Variants in ADAMTS3 observed in about 807,000 individuals in gnomAD.
ADAMTS3 encodes the protein A disintegrin and metalloproteinase with thrombospondin motifs 3.
In ADAMTS3, 73 loss-of-function variants were observed where a neutral mutation model predicts 129.0. The observed-to-expected ratio is 0.57, with a 90% CI of 0.47 to 0.69. ADAMTS3 has a LOEUF of 0.69. Among genes scored for constraint, ADAMTS3 ranks in the 30% least tolerant of loss-of-function variants. The pLI is 0.00. For missense variants in ADAMTS3, 1,457 were observed against 1,514.5 expected (o/e 0.96, Z 0.63); for synonymous variants, 477 against 510.8 (o/e 0.93, Z 0.89).
At chr4:72,473,884 G>C (rs1478925601) in intron 3 of ADAMTS3, among the ~76,000 whole-genome samples, 2 of 152,208 alleles carry the variant, frequency 1.3e-5, no homozygotes, top group African/African-American at 4.8e-5. Flanking sequence ...CTGGTAATAA[G>C]GTTATCTTTT....
At chr4:72,519,101 T>C (rs1168219509) in intron 3 of ADAMTS3, among the ~76,000 whole-genome samples, 1 of 151,572 alleles carries the variant, frequency 6.6e-6, no homozygotes, top group East Asian at 1.9e-4. Flanking sequence ...TTATGAAGCT[T>C]AGTTTGGCTG....
chr4:72,422,145 T>C (rs1461659438), intron 3 of ADAMTS3, among the ~76,000 whole-genome samples: 2 of 152,182 alleles, frequency 1.3e-5, no homozygotes, highest in Non-Finnish European at 2.9e-5. Context: ...ACTACTATTA[T>C]TTATAATGAC....
chr4:72,353,092 GT>G (rs11340889), intron 4 of ADAMTS3, among the ~76,000 whole-genome samples: 9,877 of 152,004 alleles, frequency 0.065, 1,080 homozygotes, highest in African/African-American at 0.23. Flanking sequence ...GGGCCTTTCA[GT>G]TCTCAAAATA....
chr4:72,434,205 T>C (rs556711900), intron 3 of ADAMTS3, among the ~76,000 whole-genome samples: 8 of 151,818 alleles, frequency 5.3e-5, no homozygotes, highest in Non-Finnish European at 1.2e-4. Context: ...CTAAGTTTTT[T>C]AGGTCCAAAT....
chr4:72,291,700 G>T lies in ADAMTS3; in HGVS notation c.2724-638C>A, dbSNP rs368809685. ...AGTCTTTGCTATTGTGAATAGTGCC[G>T]CAATAAACATACGTGTGCATGTGTC... is the stretch of plus-strand genomic sequence containing the variant. On this transcript the variant is annotated intron_variant, in intron 19 of 21. Coordinates refer to ENST00000286657, the MANE Select transcript of ADAMTS3 (RefSeq NM_014243.3). Among the ~76,000 whole-genome samples the T allele has an allele frequency of 3.3e-5, 5 of 151,472 alleles. No individual in the cohort carries two copies. In the South Asian group the frequency reaches 6.3e-4, roughly 19 times the overall value.
chr4:72,323,945 C>G (rs1254357702), intron 5 of ADAMTS3, among the ~76,000 whole-genome samples: 2 of 152,092 alleles, frequency 1.3e-5, no homozygotes, highest in African/African-American at 4.8e-5. Context: ...AGATATGAAT[C>G]TGAAGTGGAC....
chr4:72,557,514 A>G (rs188658788), intron 2 of ADAMTS3, among the ~76,000 whole-genome samples: 1 of 152,030 alleles, frequency 6.6e-6, no homozygotes, highest in Admixed American at 6.5e-5. Context: ...TTTTAATTGC[A>G]AATCTATTTT....
At chr4:72,366,757 T>G (rs1720879052) in intron 4 of ADAMTS3, among the ~76,000 whole-genome samples, 1 of 151,778 alleles carries the variant, frequency 6.6e-6, no homozygotes, top group South Asian at 2.1e-4. Context: ...TTTTAAAGGG[T>G]ATTTTAGTGT....
Position 72,428,633 on chromosome 4 carries a change from G to A in ADAMTS3, c.505-13662C>T, listed in dbSNP as rs540407348. ...TAATCCTCCTTGTTTTTGGCATAAA[G>A]GAGAAACCCTAGCTTGGTTGATACA... On this transcript the variant is annotated intron_variant, in intron 3 of 21. Coordinates refer to ENST00000286657, the MANE Select transcript of ADAMTS3 (RefSeq NM_014243.3). Among the ~76,000 whole-genome samples the A allele has an allele frequency of 1.0e-3, 158 of 152,106 alleles. 2 individuals are homozygous for A. In the Middle Eastern group the frequency reaches 0.014, roughly 13 times the overall value.
intron 3 of ADAMTS3, among the ~76,000 whole-genome samples, chr4:72,546,399 T>C (rs1721467445): frequency 6.6e-6 from 1 of 152,132 alleles, no homozygotes; most frequent in Non-Finnish European, 1.5e-5. Flanking sequence ...TACACTCTAT[T>C]TTATTAGATA....
At chr4:72,289,019 GT>G (rs1718591121) in intron 20 of ADAMTS3, 151 bp from the exon 21 acceptor site, 1 of 560,092 alleles carries the variant, frequency 1.8e-6, no homozygotes, top group African/African-American at 1.9e-5. Flanking sequence ...CTGCACAGTG[GT>G]TTTGAAGACA....
intron 4 of ADAMTS3, among the ~76,000 whole-genome samples, chr4:72,399,706 C>T (rs1011019147): frequency 2.8e-5 from 4 of 144,146 alleles, no homozygotes; most frequent in Non-Finnish European, 4.5e-5. Context: ...TATACACACA[C>T]GGTGTGTACG....
At chr4:72,456,251 G>GTATGTAC (rs1718606743) in intron 3 of ADAMTS3, among the ~76,000 whole-genome samples, 3 of 136,664 alleles carry the variant, frequency 2.2e-5, no homozygotes, top group East Asian at 2.1e-4. Context: ...TTTATATATA[G>GTATGTAC]TATATATACT....
chr4:72,328,372 G>A (rs751543461), intron 5 of ADAMTS3, among the ~76,000 whole-genome samples: 27 of 152,146 alleles, frequency 1.8e-4, no homozygotes, highest in Non-Finnish European at 2.9e-4. Context: ...AGGACATTTC[G>A]CTGGCAGGAC....
intron 14 of ADAMTS3, 72 bp downstream of exon 14, chr4:72,310,971 AAAATT>A: frequency 7.4e-7 from 1 of 1,348,656 alleles, no homozygotes; most frequent in Non-Finnish European, 9.9e-7. Context: ...AATAGTTTAA[AAAATT>A]AAAAATGTGC....
In ADAMTS3 at chr4:72,543,968, T is replaced by C. The variant is rs1455648081; in HGVS notation, c.504+4510A>G. Among the ~76,000 whole-genome samples, 3 of 152,234 alleles carry C rather than the reference T, an allele frequency of 2.0e-5. No homozygotes were observed. In the East Asian group the frequency reaches 5.8e-4, roughly 29 times the overall value. ...TCAAAACTCGTCAGGCTAATATATA[T>C]ATATGTCTTATTTTTCAGTATTACT... On this transcript the variant is annotated intron_variant, in intron 3 of 21. Transcript: ENST00000286657.
intron 2 of ADAMTS3, among the ~76,000 whole-genome samples, chr4:72,555,114 T>C (rs1269345006): frequency 6.6e-6 from 1 of 151,810 alleles, no homozygotes; most frequent in African/African-American, 2.4e-5. Flanking sequence ...AAAATCTGTA[T>C]CTTTTTCACG....
chr4:72,455,631 AAAAAG>A (rs1293328183), intron 3 of ADAMTS3, among the ~76,000 whole-genome samples: 2 of 149,892 alleles, frequency 1.3e-5, no homozygotes, highest in Admixed American at 6.7e-5. Context: ...AAAAAAAAAA[AAAAAG>A]AAAGAAAGAA....
intron 3 of ADAMTS3, among the ~76,000 whole-genome samples, chr4:72,529,002 G>A (rs904846351): frequency 1.3e-5 from 2 of 152,122 alleles, no homozygotes; most frequent in East Asian, 3.8e-4. Context: ...ATATACGGTA[G>A]AGTAATCAGG....
Sources: gnomAD v4.1 joint callset for allele counts (sites outside exome capture counted in the v4.1 genomes callset) on GRCh38, gnomAD v4.1.1 for gene constraint, MANE v1.5 for transcripts, NCBI Gene and HGNC (gene_info 2026-07-23, HGNC 2026-07-21) for gene names.